MIA3: variants seen among roughly 807,000 people sequenced by gnomAD.
MIA3 encodes the protein MIA SH3 domain ER export factor 3, also known as transport and Golgi organization protein 1 homolog.
MIA3 carries 90 observed loss-of-function variants against 192.4 expected under a neutral mutation model. That is an observed-to-expected ratio of 0.47 (90% CI 0.39 to 0.56). MIA3 has a LOEUF of 0.56. MIA3 is among the 20% of genes least tolerant of loss of function. The probability of loss-of-function intolerance (pLI) is 0.00; values close to 1 mark genes in which losing one functional copy is unlikely to be tolerated. For missense variants in MIA3, 2,123 were observed against 2,269.4 expected (o/e 0.94, Z 1.31); for synonymous variants, 740 against 792.8 (o/e 0.93, Z 1.12).
Position 222,667,122 on chromosome 1 carries a change from CTCTT to C in MIA3, c.*1505_*1508del, listed in dbSNP as rs1664325426. The C allele has an allele frequency of 6.6e-6, 1 of 152,178 alleles. No individual in the cohort carries two copies. The highest frequency in any genetic ancestry group is 1.5e-5 in the Non-Finnish European group (1 of 68,024). 9.4% of individuals were successfully genotyped at this position (152,178 alleles called of 1,614,324 possible). A position where few individuals can be genotyped will look rare whatever the true frequency, so the allele number is the denominator to read the frequency against. On this transcript the variant is annotated 3_prime_UTR_variant, in exon 28 of 28. Coordinates refer to ENST00000344922, the MANE Select transcript of MIA3 (RefSeq NM_198551.4). ...AAGCTTCAATGTGAAACAATTTTCT[CTCTT>C]TATACTAAACAACTGAAGATAGATA...
In MIA3 at chr1:222,628,310, G is replaced by A. The variant is rs1026225378; in HGVS notation, c.1090G>A (p.Val364Ile). 8 of 1,613,782 alleles carry A rather than the reference G, an allele frequency of 5.0e-6. No homozygotes were observed. The highest frequency in any genetic ancestry group is 6.8e-6 in the Non-Finnish European group (8 of 1,179,938). The change falls in exon 4 of 28, where the codon GTT (valine) becomes ATT (isoleucine). Residue 364 changes from valine to isoleucine, a missense_variant. Val to Ile is a conservative substitution (Grantham distance 29). Coordinates refer to ENST00000344922, the MANE Select transcript of MIA3 (RefSeq NM_198551.4). ...KEQNSNEEDKVQLTVPPGIKN... is the reference protein window; with the variant it reads ...KEQNSNEEDKIQLTVPPGIKN... Reference sequence around the variant, plus strand: ...GCAGAATTCAAATGAAGAGGACAAGGTTCAGCTAACTGTGCCCCCTGGCAT... The same window carrying A: ...GCAGAATTCAAATGAAGAGGACAAGATTCAGCTAACTGTGCCCCCTGGCAT...
At position 222,618,215 on chromosome 1, in the gene MIA3, C is replaced by G; in HGVS notation, c.105C>G (p.His35Gln). Reference sequence around the variant, plus strand: ...GCACTGGCCGGCGGTTCTCGGAGCACAAACTCTGCGCGGACGACGAATGCA... The same window carrying G: ...GCACTGGCCGGCGGTTCTCGGAGCAGAAACTCTGCGCGGACGACGAATGCA... ...DPSTGRRFSE[H>Q]KLCADDECSM... The change falls in exon 1 of 28, where the codon CAC (histidine) becomes CAG (glutamine). Residue 35 changes from histidine (H) to glutamine (Q), a missense_variant. Coordinates refer to ENST00000344922, the MANE Select transcript of MIA3 (RefSeq NM_198551.4). The G allele has an allele frequency of 2.0e-6, 3 of 1,489,902 alleles. No homozygotes were observed. The highest frequency in any genetic ancestry group is 2.7e-6 in the Non-Finnish European group (3 of 1,115,962). The allele number at this position is 1,489,902 out of a possible 1,614,324, so 92.3% of individuals were successfully genotyped here.
At chr1:222,639,639 T>G (rs1662769598) in intron 6 of MIA3, among the ~76,000 whole-genome samples, 1 of 152,146 alleles carries the variant, frequency 6.6e-6, no homozygotes, top group Non-Finnish European at 1.5e-5. Context: ...ACAATCCATA[T>G]GTTCAGTTCA....
intron 24 of MIA3, 25 bp from the exon 25 acceptor site, chr1:222,662,031 A>G: frequency 6.3e-7 from 1 of 1,591,556 alleles, no homozygotes; most frequent in Non-Finnish European, 8.6e-7. Flanking sequence ...AATACATATA[A>G]GGACTCTGTT....
Position 222,666,676 on chromosome 1 carries a change from A to AAATC in MIA3, c.*1059_*1062dup, listed in dbSNP as rs1425859890. On this transcript the variant is annotated 3_prime_UTR_variant, in exon 28 of 28. Transcript: ENST00000344922. ...GCCCTAGGTCAGCAACCAAGGGTTGAAATCAGTTCTGTTTTAGGGGGAAAT... is the reference window on the plus strand; with the variant it reads ...GCCCTAGGTCAGCAACCAAGGGTTGAAATCAATCAGTTCTGTTTTAGGGGGAAAT... 2 of 98,030 alleles carry AAATC rather than the reference A, an allele frequency of 2.0e-5. No homozygotes were observed. Among genetic ancestry groups the AAATC allele is most frequent in the Non-Finnish European group, 3.7e-5 (2 of 53,868 alleles). 6.1% of individuals were successfully genotyped at this position (98,030 alleles called of 1,614,324 possible). A position where few individuals can be genotyped will look rare whatever the true frequency, so the allele number is the denominator to read the frequency against.
In MIA3 at chr1:222,633,304, GTTGATT is replaced by G; in HGVS notation, c.3477+60_3477+65del. 3 of 1,448,870 alleles carry G rather than the reference GTTGATT, an allele frequency of 2.1e-6. No individual in the cohort carries two copies. The South Asian group carries it at 3.8e-5, about 18-fold the overall frequency. 89.8% of individuals were successfully genotyped at this position (1,448,870 alleles called of 1,614,324 possible). A position where few individuals can be genotyped will look rare whatever the true frequency, so the allele number is the denominator to read the frequency against. On this transcript the variant is annotated intron_variant, in intron 6 of 27. Coordinates refer to ENST00000344922, the MANE Select transcript of MIA3 (RefSeq NM_198551.4). ...AAATGTTGATTATTACAGTTTTTAA[GTTGATT>G]TTGAGCATGAGGTGAAGAACTTAAA...
At position 222,628,459 on chromosome 1, in the gene MIA3, AGAT is replaced by A. The variant is rs963387467; in HGVS notation, c.1250_1252del (p.Asp417del). The A allele has an allele frequency of 8.1e-6, 13 of 1,612,508 alleles. No homozygotes were observed. Among genetic ancestry groups the A allele is most frequent in the East Asian group, 2.2e-5 (1 of 44,874 alleles). On this transcript the variant is annotated inframe_deletion, in exon 4 of 28. Transcript: ENST00000344922. ...GCTCTAGTTCAGAGGAAGAAAAAGA[AGAT>A]GATGATGATGCATTAGTCCCAGATA...
intron 1 of MIA3, among the ~76,000 whole-genome samples, 195 bp from the exon 2 acceptor site, chr1:222,620,964 C>A (rs1286495739): frequency 1.3e-5 from 2 of 152,068 alleles, no homozygotes; most frequent in South Asian, 4.1e-4. Flanking sequence ...TGTCTGCTTG[C>A]AGAAGGTATG....
intron 6 of MIA3, chr1:222,644,444 G>GA (rs1458985966): frequency 1.3e-6 from 2 of 1,550,246 alleles, no homozygotes; most frequent in African/African-American, 2.7e-5. Context: ...ATTCCGCAGG[G>GA]AATTGTCGCT....
chr1:222,626,001 AG>A (rs566992563), intron 3 of MIA3, among the ~76,000 whole-genome samples: 263 of 152,296 alleles, frequency 1.7e-3, no homozygotes, highest in Non-Finnish European at 2.7e-3. Context: ...GGCCTTCCAA[AG>A]TGCTAGGATT....
rs1159206955 is a variant in MIA3 at position 222,628,184 on chromosome 1, CAAG to C, written c.969_971del (p.Glu323del). 1.2e-6 allele frequency: 2 copies of C among 1,613,978 alleles called. No homozygotes were observed. The highest frequency in any genetic ancestry group is 1.7e-6 in the Non-Finnish European group (2 of 1,180,010). On this transcript the variant is annotated inframe_deletion, in exon 4 of 28. Coordinates refer to ENST00000344922, the MANE Select transcript of MIA3 (RefSeq NM_198551.4). ...AGTTGGAAAGGAAGATGAGGAGAAC[CAAG>C]AAGACTTTGATGAGTTGCCATTACT... is the stretch of plus-strand genomic sequence containing the variant.
intron 2 of MIA3, among the ~76,000 whole-genome samples, chr1:222,621,992 T>G (rs1661890665): frequency 3.9e-5 from 6 of 152,136 alleles, no homozygotes; most frequent in Admixed American, 3.9e-4. Flanking sequence ...ATTTTTTTAG[T>G]AGAGACGGGG....
rs533752424 is a variant in MIA3, at chr1:222,662,469, C to G, written c.5262+137C>G. ...ATTTTTTAAAAAAGCAAACTGTTCT[C>G]CAAGAGCCTGAAGTCCCCTCAGTTC... On this transcript the variant is annotated intron_variant, in intron 26 of 27. Coordinates refer to ENST00000344922, the MANE Select transcript of MIA3 (RefSeq NM_198551.4). The G allele has an allele frequency of 2.0e-6, 3 of 1,499,596 alleles. No homozygotes were observed. The South Asian group carries it at 3.9e-5, about 20-fold the overall frequency. The allele number at this position is 1,499,596 out of a possible 1,614,324, so 92.9% of individuals were successfully genotyped here.
At chr1:222,632,136 G>A (rs1002198220) in intron 4 of MIA3, 29 bp from the exon 5 acceptor site, 2 of 1,608,736 alleles carry the variant, frequency 1.2e-6, no homozygotes, top group Non-Finnish European at 1.7e-6. Flanking sequence ...ATCAAGCTGT[G>A]CTAGCCCAGT....
In MIA3 at chr1:222,629,595, G is replaced by A. The variant is rs767781465; in HGVS notation, c.2375G>A (p.Ser792Asn). Residue 792 changes from serine (S) to asparagine (N), a missense_variant, in exon 4 of 28, where the codon AGT becomes AAT. Around this residue, in one of 3 missense-constraint regions of MIA3, gnomAD observed 1,357 missense variants for 1,396.1 expected, o/e 0.97. Transcript: ENST00000344922. ...ATGATTTTGGATAGCGAAAAAACAA[G>A]TGAGACTGCTGCCAAAGGGGTCAAC... ...TSMILDSEKT[S>N]ETAAKGVNTG... 1.4e-5 allele frequency: 23 copies of A among 1,613,928 alleles called. No homozygotes were observed. The highest frequency in any genetic ancestry group is 1.8e-5 in the Non-Finnish European group (21 of 1,179,988).
chr1:222,648,229 A>G (rs1366199438), intron 7 of MIA3, among the ~76,000 whole-genome samples: 1 of 152,102 alleles, frequency 6.6e-6, no homozygotes, highest in Non-Finnish European at 1.5e-5. Flanking sequence ...TGTCAGGTTT[A>G]TGAGCACTGT....
chr1:222,654,369 G>T lies in MIA3; in HGVS notation c.4378-20G>T, dbSNP rs373542426. The T allele has an allele frequency of 8.8e-5, 142 of 1,612,442 alleles. No individual in the cohort carries two copies. Among genetic ancestry groups the T allele is most frequent in the African/African-American group, 1.3e-5 (1 of 74,872 alleles). ...CTATGCCTCACTTTTATGAATACTT[G>T]TCTCTTCTGCAATTTTTAGACACAG... is the stretch of plus-strand genomic sequence containing the variant. On this transcript the variant is annotated intron_variant, in intron 16 of 27. Coordinates refer to ENST00000344922, the MANE Select transcript of MIA3 (RefSeq NM_198551.4).
chr1:222,633,379 TG>T, intron 6 of MIA3, 130 bp downstream of exon 6: 1 of 763,396 alleles, frequency 1.3e-6, no homozygotes, highest in Non-Finnish European at 2.1e-6. Context: ...AGAGAGACCC[TG>T]AAATGAGCCA....
Position 222,618,191 on chromosome 1 carries a change from C to T in MIA3, c.81C>T (p.Ser27=), listed in dbSNP as rs1332598941. The part of the protein sequence containing the change: ...PWRVPGQLDP[S]TGRRFSEHKL... ...GGGTGCCGGGCCAGCTGGACCCCAG[C>T]ACTGGCCGGCGGTTCTCGGAGCACA... The change falls in exon 1 of 28, where the codon AGC becomes AGT. Residue 27 remains serine, a synonymous_variant. Transcript: ENST00000344922. The T allele has an allele frequency of 2.7e-6, 4 of 1,500,200 alleles. No homozygotes were observed. In the South Asian group the frequency reaches 5.0e-5, roughly 19 times the overall value. The allele number at this position is 1,500,200 out of a possible 1,614,324, so 92.9% of individuals were successfully genotyped here. A position where few individuals can be genotyped will look rare whatever the true frequency, so the allele number is the denominator to read the frequency against.
Sources: allele counts gnomAD v4.1 joint callset (sites outside exome capture counted in the v4.1 genomes callset), GRCh38; gene constraint gnomAD v4.1.1; regional missense constraint gnomAD v4.1.1; transcripts MANE v1.5; gene names NCBI Gene and HGNC (gene_info 2026-07-23, HGNC 2026-07-21).